ELMO1: variants seen among roughly 807,000 people sequenced by gnomAD.
ELMO1 encodes the protein engulfment and cell motility protein 1.
ELMO1 carries 26 observed loss-of-function variants against 98.9 expected under a neutral mutation model. That is an observed-to-expected ratio of 0.26 (90% confidence interval 0.19 to 0.36). The LOEUF is 0.36. Among genes scored for constraint, ELMO1 ranks in the 10% least tolerant of loss-of-function variants. The pLI is 1.00. For missense variants in ELMO1, 627 were observed against 935.2 expected, an observed-to-expected ratio of 0.67 and a Z score of 4.30; for synonymous variants, 346 against 346.0, an observed-to-expected ratio of 1.00 and a Z score of 0.00.
intron 13 of ELMO1, among the ~76,000 whole-genome samples, chr7:37,138,154 G>C (rs903887042): frequency 1.3e-5 from 2 of 151,988 alleles, no homozygotes; most frequent in Non-Finnish European, 2.9e-5. Flanking sequence ...TGGACCTGGA[G>C]AAACAAGAAC....
intron 14 of ELMO1, among the ~76,000 whole-genome samples, chr7:37,102,713 A>G (rs1000942743): frequency 6.6e-6 from 1 of 152,240 alleles, no homozygotes; most frequent in African/African-American, 2.4e-5. Context: ...CTCACTGTAC[A>G]GATGAAGAAA....
intron 15 of ELMO1, 94 bp from the exon 16 acceptor site, chr7:37,013,529 G>A (rs116819643): frequency 0.022 from 30,827 of 1,429,756 alleles, 380 homozygotes; most frequent in Middle Eastern, 0.032. Flanking sequence ...GGAGACAAGC[G>A]GAGGTATCTT....
intron 20 of ELMO1, chr7:36,861,937 CTA>C: frequency 1.7e-6 from 1 of 596,604 alleles, no homozygotes. Context: ...GGTCTGTGAA[CTA>C]TCTCATTTAA....
chr7:37,114,253 C>T (rs1437014278), intron 14 of ELMO1, among the ~76,000 whole-genome samples: 1 of 152,116 alleles, frequency 6.6e-6, no homozygotes, highest in Non-Finnish European at 1.5e-5. Context: ...TGGGAGCAGG[C>T]AATATCAATC....
chr7:36,964,907 T>G (rs1789279766), intron 16 of ELMO1, among the ~76,000 whole-genome samples: 1 of 152,198 alleles, frequency 6.6e-6, no homozygotes, highest in Non-Finnish European at 1.5e-5. Context: ...TGAAAAATAC[T>G]GAGTTTCCAT....
intron 13 of ELMO1, among the ~76,000 whole-genome samples, chr7:37,178,049 T>C (rs1355783623): frequency 3.3e-5 from 5 of 151,992 alleles, no homozygotes; most frequent in East Asian, 3.9e-4. Flanking sequence ...AGATAGCTGG[T>C]GAAGCATTAT....
rs144086813 is a variant in ELMO1 at position 37,219,416 on chromosome 7, A to T, written c.781-2721T>A. On this transcript the variant is annotated intron_variant, in intron 10 of 21. Transcript: ENST00000310758. ...CCAAGTCAAAAAAAGATGAAATTTT[A>T]AAAAAGTATTTGACTGAAGTGGAAT... 2.2e-4 allele frequency among the ~76,000 whole-genome samples: 34 copies of T among 152,356 alleles called. 1 individual carries two copies. The East Asian group carries it at 3.3e-3, about 15-fold the overall frequency.
intron 13 of ELMO1, among the ~76,000 whole-genome samples, chr7:37,163,596 G>C (rs1175333771): frequency 1.3e-5 from 2 of 151,386 alleles, no homozygotes; most frequent in Non-Finnish European, 2.9e-5. Flanking sequence ...TGCGGTGTTT[G>C]GTTTTTTGTT....
At chr7:36,909,584 G>T (rs906203953) in intron 16 of ELMO1, among the ~76,000 whole-genome samples, 7 of 152,162 alleles carry the variant, frequency 4.6e-5, no homozygotes, top group Non-Finnish European at 7.4e-5. Flanking sequence ...TTCTTTTTTC[G>T]TGTGTGTGGG....
chr7:37,280,374 C>T (rs1409232942), intron 4 of ELMO1, among the ~76,000 whole-genome samples: 1 of 152,154 alleles, frequency 6.6e-6, no homozygotes, highest in Non-Finnish European at 1.5e-5. Context: ...AACTAAAGAG[C>T]TTTTGCACAG....
At chr7:36,955,029 C>A (rs187082225) in intron 16 of ELMO1, among the ~76,000 whole-genome samples, 219 of 152,276 alleles carry the variant, frequency 1.4e-3, no homozygotes, top group African/African-American at 4.9e-3. Flanking sequence ...GATATCAGGA[C>A]TATCAGCTCC....
At chr7:37,180,839 C>T (rs1210833274) in intron 13 of ELMO1, among the ~76,000 whole-genome samples, 4 of 151,572 alleles carry the variant, frequency 2.6e-5, no homozygotes, top group Non-Finnish European at 4.4e-5. Context: ...CACATGCACA[C>T]GCAAACAGAG....
intron 4 of ELMO1, among the ~76,000 whole-genome samples, chr7:37,303,980 C>T (rs922508073): frequency 5.3e-5 from 8 of 152,070 alleles, no homozygotes; most frequent in Non-Finnish European, 8.8e-5. Flanking sequence ...ATGCTGGTGG[C>T]GGTCGCTGCC....
At chr7:37,413,212 C>T (rs778376431) in intron 1 of ELMO1, among the ~76,000 whole-genome samples, 2 of 151,926 alleles carry the variant, frequency 1.3e-5, no homozygotes, top group Non-Finnish European at 2.9e-5. Flanking sequence ...TGAAATCCTC[C>T]CTCTTCTCCC....
At chr7:37,307,781 T>C (rs908068145) in intron 4 of ELMO1, among the ~76,000 whole-genome samples, 1 of 152,222 alleles carries the variant, frequency 6.6e-6, no homozygotes, top group African/African-American at 2.4e-5. Flanking sequence ...CTCAAAGTGC[T>C]ACCCAGCATT....
At chr7:37,421,142 C>T (rs1804454928) in intron 1 of ELMO1, among the ~76,000 whole-genome samples, 1 of 152,236 alleles carries the variant, frequency 6.6e-6, no homozygotes, top group Non-Finnish European at 1.5e-5. Context: ...TTCCACCAAA[C>T]ACTTTAGAAT....
chr7:36,907,470 A>T (rs1222052447), intron 16 of ELMO1, among the ~76,000 whole-genome samples: 1 of 152,208 alleles, frequency 6.6e-6, no homozygotes, highest in Admixed American at 6.5e-5. Context: ...TACAAAACTC[A>T]GACAATTAAA....
At chr7:37,247,118 G>C (rs997717939) in intron 6 of ELMO1, among the ~76,000 whole-genome samples, 1 of 152,144 alleles carries the variant, frequency 6.6e-6, no homozygotes, top group African/African-American at 2.4e-5. Context: ...ATGTAATATA[G>C]AGGGAAACCT....
rs114010996 is a variant in ELMO1, at chr7:37,402,248, G to A, written c.-74+46427C>T. Among the ~76,000 whole-genome samples, 501 of 152,170 alleles carry A rather than the reference G, an allele frequency of 3.3e-3. 3 individuals are homozygous for A. The highest frequency in any genetic ancestry group is 0.012 in the African/African-American group (480 of 41,496). ...ATATTCTGCTTGATAAATGGATGAG[G>A]CCAGGTTGTGAGTGAGAATATCGTT... is the stretch of plus-strand genomic sequence containing the variant. On this transcript the variant is annotated intron_variant, in intron 1 of 21. Transcript: ENST00000310758.
Sources: gnomAD v4.1 joint callset for allele counts (sites outside exome capture counted in the v4.1 genomes callset) on GRCh38, gnomAD v4.1.1 for gene constraint, MANE v1.5 for transcripts, NCBI Gene and HGNC (gene_info 2026-07-23, HGNC 2026-07-21) for gene names.